Variants in NKAIN2 observed in about 807,000 individuals in gnomAD.
NKAIN2 encodes sodium/potassium-transporting ATPase subunit beta-1-interacting protein 2.
Under a neutral mutation model 32.6 loss-of-function variants are expected in NKAIN2, and 14 were observed. That is an observed-to-expected ratio of 0.43 (90% confidence interval 0.28 to 0.67). The LOEUF (loss-of-function observed/expected upper bound fraction) is 0.67, where lower values mean the gene tolerates loss of function less well. Among genes scored for constraint, NKAIN2 ranks in the 30% least tolerant of loss-of-function variants. The pLI, the probability that NKAIN2 is intolerant of heterozygous loss-of-function variation, is 0.17. For synonymous variants in NKAIN2, 80 were observed against 87.2 expected (o/e 0.92, Z 0.46); for missense variants, 198 against 258.3 (o/e 0.77, Z 1.60).
chr6:124,641,207 G>C (rs982672514), intron 3 of NKAIN2, among the ~76,000 whole-genome samples: 1 of 152,170 alleles, frequency 6.6e-6, no homozygotes, highest in Non-Finnish European at 1.5e-5. Context: ...TAATTCAAAC[G>C]AAGAGAGATA....
In NKAIN2 at chr6:124,429,914, G is replaced by A. The variant is rs73770502; in HGVS notation, c.273+74567G>A. On this transcript the variant is annotated intron_variant, in intron 3 of 6. Coordinates refer to ENST00000368417, the MANE Select transcript of NKAIN2 (RefSeq NM_001040214.3). ...AGATGCTAGAAAGAATTAGCATCGG[G>A]GACAGAGCTGAAATAACATGATCAA... 9.2e-3 allele frequency among the ~76,000 whole-genome samples: 1,404 copies of A among 152,132 alleles called. 18 individuals carry two copies. Among genetic ancestry groups the A allele is most frequent in the African/African-American group, 0.032 (1,340 of 41,488 alleles).
At chr6:124,630,973 C>G (rs545118191) in intron 3 of NKAIN2, among the ~76,000 whole-genome samples, 1 of 151,994 alleles carries the variant, frequency 6.6e-6, no homozygotes, top group Non-Finnish European at 1.5e-5. Context: ...ATAATGTAGC[C>G]GTATTCTACA....
At chr6:124,439,854 G>A (rs1775617008) in intron 3 of NKAIN2, among the ~76,000 whole-genome samples, 1 of 151,832 alleles carries the variant, frequency 6.6e-6, no homozygotes, top group Non-Finnish European at 1.5e-5. Flanking sequence ...TCATCTCCTT[G>A]TCTATCTCCT....
chr6:124,811,139 C>T (rs752566383), intron 5 of NKAIN2, among the ~76,000 whole-genome samples: 4 of 152,110 alleles, frequency 2.6e-5, no homozygotes, highest in Non-Finnish European at 4.4e-5. Flanking sequence ...AATGGAAAGA[C>T]GCTCTATTTT....
At chr6:124,728,794 A>G (rs1292714062) in intron 4 of NKAIN2, among the ~76,000 whole-genome samples, 1 of 152,076 alleles carries the variant, frequency 6.6e-6, no homozygotes, top group Non-Finnish European at 1.5e-5. Context: ...GGATTAACAA[A>G]ATTGATAGAC....
intron 3 of NKAIN2, among the ~76,000 whole-genome samples, chr6:124,500,976 GT>G (rs1294042067): frequency 6.6e-6 from 1 of 152,170 alleles, no homozygotes; most frequent in African/African-American, 2.4e-5. Context: ...AAGATAAGAT[GT>G]AGAAAAGATG....
chr6:124,592,080 TAA>T (rs1781932582), intron 3 of NKAIN2, among the ~76,000 whole-genome samples: 1 of 152,134 alleles, frequency 6.6e-6, no homozygotes, highest in South Asian at 2.1e-4. Flanking sequence ...AGAATAGACC[TAA>T]GAGACTCAAG....
intron 1 of NKAIN2, among the ~76,000 whole-genome samples, chr6:123,832,059 G>A (rs548664747): frequency 1.3e-5 from 2 of 152,176 alleles, no homozygotes; most frequent in South Asian, 2.1e-4. Flanking sequence ...ATGCATAGTG[G>A]CCAGTATCCA....
chr6:124,206,251 C>A (rs1366175042), intron 1 of NKAIN2, among the ~76,000 whole-genome samples: 3 of 151,680 alleles, frequency 2.0e-5, no homozygotes, highest in Non-Finnish European at 4.4e-5. Context: ...GTATTTTTTT[C>A]TTTTTCTTTT....
chr6:123,873,255 A>G (rs2114293027), intron 1 of NKAIN2, among the ~76,000 whole-genome samples: 1 of 151,070 alleles, frequency 6.6e-6, no homozygotes. Flanking sequence ...AGAGCCAAGC[A>G]TGGGAAAACC....
At chr6:124,696,609 C>T (rs1036046991) in intron 4 of NKAIN2, among the ~76,000 whole-genome samples, 1 of 152,054 alleles carries the variant, frequency 6.6e-6, no homozygotes, top group African/African-American at 2.4e-5. Flanking sequence ...CACATAAATC[C>T]CTCATAACAG....
chr6:124,584,381 G>T (rs56813789), intron 3 of NKAIN2, among the ~76,000 whole-genome samples: 1 of 152,144 alleles, frequency 6.6e-6, no homozygotes, highest in South Asian at 2.1e-4. Flanking sequence ...GCCAGGCATG[G>T]TGGCTTACAT....
chr6:124,341,142 T>C (rs1338784556), intron 2 of NKAIN2, among the ~76,000 whole-genome samples: 2 of 152,282 alleles, frequency 1.3e-5, no homozygotes, highest in East Asian at 3.9e-4. Context: ...AGAGTTTATA[T>C]GTCTTACTAA....
At chr6:124,686,018 A>T (rs1176060476) in intron 4 of NKAIN2, among the ~76,000 whole-genome samples, 1 of 152,182 alleles carries the variant, frequency 6.6e-6, no homozygotes, top group Non-Finnish European at 1.5e-5. Flanking sequence ...GGGAAGGATT[A>T]AATTCCAAGC....
intron 1 of NKAIN2, among the ~76,000 whole-genome samples, chr6:124,188,875 A>G (rs913451797): frequency 1.3e-5 from 2 of 152,220 alleles, no homozygotes; most frequent in Non-Finnish European, 2.9e-5. Flanking sequence ...TAATAGTTAC[A>G]GAAAATCTCT....
chr6:124,370,471 C>G (rs1304794892), intron 3 of NKAIN2, among the ~76,000 whole-genome samples: 2 of 152,014 alleles, frequency 1.3e-5, no homozygotes, highest in East Asian at 3.9e-4. Context: ...TCTTCATTAG[C>G]ACATGCAACC....
In NKAIN2 at chr6:124,152,218, C is replaced by T. The variant is rs566629358; in HGVS notation, c.55-130787C>T. 1.4e-4 allele frequency among the ~76,000 whole-genome samples: 21 copies of T among 151,958 alleles called. No homozygotes were observed. In the East Asian group the frequency reaches 3.5e-3, roughly 25 times the overall value. The stretch of plus-strand genomic sequence containing the variant: ...TTATATTGAAAAAACCCCTCTTTTG[C>T]CACTGAATTGTTGTGACACATTTGT... On this transcript the variant is annotated intron_variant, in intron 1 of 6. Transcript: ENST00000368417.
At chr6:123,975,751 T>C (rs1778537341) in intron 1 of NKAIN2, among the ~76,000 whole-genome samples, 1 of 152,038 alleles carries the variant, frequency 6.6e-6, no homozygotes, top group Non-Finnish European at 1.5e-5. Flanking sequence ...ATCCCATTCA[T>C]GAGGGCTCCA....
chr6:124,178,299 C>CTT (rs71021481), intron 1 of NKAIN2, among the ~76,000 whole-genome samples: 58 of 139,122 alleles, frequency 4.2e-4, no homozygotes, highest in Admixed American at 1.2e-3. Context: ...CGTACATTAA[C>CTT]TTTTTTTTTT....
Sources: gnomAD v4.1 joint callset for allele counts (sites outside exome capture counted in the v4.1 genomes callset) on GRCh38, gnomAD v4.1.1 for gene constraint, MANE v1.5 for transcripts, NCBI Gene and HGNC (gene_info 2026-07-23, HGNC 2026-07-21) for gene names.